Variants in TSKS observed in about 807,000 individuals in gnomAD.
TSKS encodes the protein testis specific serine kinase substrate.
TSKS carries 27 observed loss-of-function variants against 68.0 expected under a neutral mutation model. The ratio of observed to expected loss-of-function variants is 0.40; its 90% CI spans 0.29 to 0.55. The LOEUF is 0.55. Among genes scored for constraint, TSKS ranks in the 20% least tolerant of loss-of-function variants. The pLI is 0.53. For missense variants in TSKS, 806 were observed against 776.0 expected (o/e 1.04, Z -0.46); for synonymous variants, 331 against 340.4 (o/e 0.97, Z 0.30).
intron 3 of TSKS, 37 bp from the exon 4 acceptor site, chr19:49,748,205 C>T (rs552270017): frequency 2.6e-5 from 42 of 1,607,566 alleles, no homozygotes; most frequent in South Asian, 5.5e-5. Context: ...GCCAAGGACA[C>T]GAGGGGACAG....
intron 2 of TSKS, among the ~76,000 whole-genome samples, chr19:49,757,798 C>T (rs2084404373): frequency 6.6e-6 from 1 of 151,564 alleles, no homozygotes; most frequent in South Asian, 2.1e-4. Flanking sequence ...GGTCTTCTGT[C>T]TCACCCTGAT....
chr19:49,747,283 T>TGTG, intron 5 of TSKS, 106 bp downstream of exon 5: 1 of 1,600,744 alleles, frequency 6.2e-7, no homozygotes, highest in Non-Finnish European at 8.5e-7. Flanking sequence ...GAAGGTGCAG[T>TGTG]GTGGTGGTGG....
rs1445343483 is a variant in TSKS at position 49,741,979 on chromosome 19, A to G, written c.1403T>C (p.Leu468Pro). 2.5e-6 allele frequency: 4 copies of G among 1,614,148 alleles called. No homozygotes were observed. The highest frequency in any genetic ancestry group is 2.5e-6 in the Non-Finnish European group (3 of 1,180,020). Residue 468 changes from leucine to proline, a missense_variant, in exon 9 of 11, where the codon CTG becomes CCG. Leu to Pro is a moderately conservative substitution (Grantham distance 98, BLOSUM62 -3). Coordinates refer to ENST00000246801, the MANE Select transcript of TSKS (RefSeq NM_021733.2). ...CACTAGTGAGGTCAGTGCTCGGTCC[A>G]GCAGCTGCTGCAGGGACTCCGTAGA... ...QLSTESLQQL[L>P]DRALTSLVDE...
intron 9 of TSKS, chr19:49,740,424 G>A: frequency 1.9e-6 from 1 of 520,314 alleles, no homozygotes; most frequent in Non-Finnish European, 3.4e-6. Flanking sequence ...ACTGACCTAT[G>A]TCCCAGCAAG....
chr19:49,751,388 A>AGTTTGT (rs1417486697), intron 2 of TSKS, among the ~76,000 whole-genome samples: 2 of 151,954 alleles, frequency 1.3e-5, no homozygotes, highest in Non-Finnish European at 2.9e-5. Flanking sequence ...CATAAGAAGC[A>AGTTTGT]GTTTGTTCAC....
intron 2 of TSKS, among the ~76,000 whole-genome samples, 167 bp from the exon 3 acceptor site, chr19:49,748,636 C>T (rs113271340): frequency 1.1e-3 from 167 of 152,254 alleles, no homozygotes; most frequent in Middle Eastern, 3.4e-3. Context: ...CATTCCTGCG[C>T]GGCAAACCCA....
chr19:49,754,459 G>T (rs971021606), intron 2 of TSKS, among the ~76,000 whole-genome samples: 1 of 151,318 alleles, frequency 6.6e-6, no homozygotes. Context: ...AGATCATGCC[G>T]CTGCACTCAA....
At chr19:49,747,179 T>C in intron 5 of TSKS, 1 of 1,536,496 alleles carries the variant, frequency 6.5e-7, no homozygotes, top group Non-Finnish European at 8.7e-7. Context: ...TTCTGGGACC[T>C]GAATGTGACT....
chr19:49,753,406 C>CA (rs2084366572), intron 2 of TSKS, among the ~76,000 whole-genome samples: 1 of 151,786 alleles, frequency 6.6e-6, no homozygotes, highest in Non-Finnish European at 1.5e-5. Flanking sequence ...CTAAAAAATA[C>CA]AAAAAATTAG....
rs759823472 is a variant in TSKS at position 49,762,124 on chromosome 19, A to G, written c.279T>C (p.Thr93=). 6.2e-7 allele frequency: 1 copy of G among 1,614,152 alleles called. No individual in the cohort carries two copies. The highest frequency in any genetic ancestry group is 8.5e-7 in the Non-Finnish European group (1 of 1,180,012). ...CTGTGGAGTCTGTCCCCGTGGAGTC[A>G]GTGGGCTCCATGGCGGCCAGGTTGA... The part of the protein sequence containing the change: ...SLLNLAAMEP[T]DSTGTDSTVE... The change falls in exon 2 of 11, where the codon ACT becomes ACC. Residue 93 remains threonine (T), a synonymous_variant. Transcript: ENST00000246801.
At chr19:49,762,337 T>C in intron 1 of TSKS, 105 bp from the exon 2 acceptor site, 1 of 757,828 alleles carries the variant, frequency 1.3e-6, no homozygotes, top group Non-Finnish European at 2.2e-6. Flanking sequence ...CCACCCTCAC[T>C]GTATATAAGT....
intron 2 of TSKS, among the ~76,000 whole-genome samples, chr19:49,754,157 A>G (rs936610782): frequency 6.0e-5 from 9 of 150,570 alleles, no homozygotes; most frequent in African/African-American, 2.2e-4. Flanking sequence ...AAGTGCTGAG[A>G]TTACAGGCGT....
chr19:49,739,957 A>G (rs2084238036), intron 10 of TSKS, 25 bp from the exon 11 acceptor site: 1 of 1,607,944 alleles, frequency 6.2e-7, no homozygotes, highest in Non-Finnish European at 8.5e-7. Flanking sequence ...CGGGGAGTTG[A>G]TGGCGGCATG....
chr19:49,746,424 C>T, intron 6 of TSKS, 46 bp downstream of exon 6: 2 of 1,607,484 alleles, frequency 1.2e-6, no homozygotes, highest in Non-Finnish European at 8.5e-7. Flanking sequence ...ACCCCTGAGT[C>T]CCCGCCGATC....
At chr19:49,752,057 C>G (rs1313059082) in intron 2 of TSKS, among the ~76,000 whole-genome samples, 1 of 150,010 alleles carries the variant, frequency 6.7e-6, no homozygotes, top group East Asian at 2.0e-4. Flanking sequence ...CTGGATGACA[C>G]TGAGATCCTG....
intron 2 of TSKS, among the ~76,000 whole-genome samples, chr19:49,759,161 ATAT>A (rs2084418522): frequency 6.6e-6 from 1 of 151,514 alleles, no homozygotes; most frequent in East Asian, 2.0e-4. Context: ...CCGGCCTCAA[ATAT>A]TTTTTTAAAA....
chr19:49,744,790 A>G (rs1017165602), intron 7 of TSKS, among the ~76,000 whole-genome samples: 3 of 151,756 alleles, frequency 2.0e-5, no homozygotes, highest in Admixed American at 6.6e-5. Flanking sequence ...GGTCTCCGCT[A>G]TGTGGCCCAG....
chr19:49,754,660 A>G (rs1317635122), intron 2 of TSKS, among the ~76,000 whole-genome samples: 1 of 152,198 alleles, frequency 6.6e-6, no homozygotes, highest in Non-Finnish European at 1.5e-5. Flanking sequence ...CTAGGCAAAC[A>G]CTTTAAATCA....
chr19:49,743,669 T>C (rs971062476), intron 8 of TSKS, among the ~76,000 whole-genome samples: 2 of 147,720 alleles, frequency 1.4e-5, no homozygotes, highest in Non-Finnish European at 3.0e-5. Context: ...AGCTAATTTT[T>C]TTTTGTATTT....
Sources: gnomAD v4.1 joint callset for allele counts (sites outside exome capture counted in the v4.1 genomes callset) on GRCh38, gnomAD v4.1.1 for gene constraint, MANE v1.5 for transcripts, NCBI Gene and HGNC (gene_info 2026-07-23, HGNC 2026-07-21) for gene names.